Variants in VIPR2 observed in about 807,000 individuals in gnomAD.
The protein encoded by VIPR2 is vasoactive intestinal peptide receptor 2.
VIPR2 carries 48 observed loss-of-function variants against 58.0 expected under a neutral mutation model. That is an observed-to-expected ratio of 0.83 (90% CI 0.66 to 1.05). The LOEUF (loss-of-function observed/expected upper bound fraction) is 1.05. Ranked by LOEUF, VIPR2 falls within the 50% of genes least tolerant of loss-of-function variation. VIPR2 has a pLI of 0.00. For synonymous variants in VIPR2, 243 were observed against 235.2 expected (o/e 1.03, Z -0.30); for missense variants, 534 against 558.0 (o/e 0.96, Z 0.43).
Position 159,030,786 on chromosome 7 carries a change from G to A in VIPR2, c.1147C>T (p.Gln383Ter). Residue 383 changes from glutamine (Q) to a stop codon, truncating the protein, a stop_gained, in exon 13 of 13, where the codon CAG becomes TAG. Coordinates refer to ENST00000262178, the MANE Select transcript of VIPR2 (RefSeq NM_003382.5). LOFTEE classifies it low-confidence loss of function (END_TRUNC). ...VLYCFLNSEV[Q>*]CELKRKWRSR... ...CGCCATTTTCGCTTCAGCTCGCACT[G>A]CACCTGGGAGGTGAGGGCAGCGGGA... 6.3e-7 allele frequency: 1 copy of A among 1,581,244 alleles called. No individual in the cohort carries two copies. Among genetic ancestry groups the A allele is most frequent in the Non-Finnish European group, 8.6e-7 (1 of 1,163,138 alleles).
chr7:159,072,385 A>G (rs1226293813), intron 4 of VIPR2, among the ~76,000 whole-genome samples: 1 of 152,260 alleles, frequency 6.6e-6, no homozygotes, highest in African/African-American at 2.4e-5. Context: ...TTAAAACTAG[A>G]AAAACAGTAA....
intron 6 of VIPR2, among the ~76,000 whole-genome samples, chr7:159,037,285 G>A (rs1376517183): frequency 6.6e-6 from 1 of 152,174 alleles, no homozygotes; most frequent in Non-Finnish European, 1.5e-5. Flanking sequence ...GGGAACCCCC[G>A]CAGTGGTCCT....
At chr7:159,036,218 T>C (rs1358089867) in intron 7 of VIPR2, among the ~76,000 whole-genome samples, 2 of 152,248 alleles carry the variant, frequency 1.3e-5, no homozygotes, top group Admixed American at 6.5e-5. Context: ...GCTTGAGAGC[T>C]GAGAATCTGA....
intron 6 of VIPR2, among the ~76,000 whole-genome samples, chr7:159,042,650 G>A (rs1854417788): frequency 6.6e-6 from 1 of 152,218 alleles, no homozygotes; most frequent in African/African-American, 2.4e-5. Context: ...AGCCTTTACT[G>A]CTCAGAATCT....
intron 4 of VIPR2, among the ~76,000 whole-genome samples, chr7:159,076,857 G>A (rs938035097): frequency 2.6e-5 from 4 of 152,164 alleles, no homozygotes; most frequent in Non-Finnish European, 4.4e-5. Context: ...GTCAATATTA[G>A]TTATAATACA....
At chr7:159,050,342 A>G (rs1003634810) in intron 5 of VIPR2, among the ~76,000 whole-genome samples, 1 of 111,614 alleles carries the variant, frequency 9.0e-6, no homozygotes, top group Non-Finnish European at 1.9e-5. Flanking sequence ...ATCTCAAAAA[A>G]ACACAAAAAA....
At chr7:159,106,683 G>C (rs1416635370) in intron 3 of VIPR2, among the ~76,000 whole-genome samples, 8 of 141,308 alleles carry the variant, frequency 5.7e-5, no homozygotes, top group African/African-American at 2.2e-4. Context: ...GGCCAGGGAG[G>C]GGCAGAGAGG....
chr7:159,121,276 C>T (rs1796448233), intron 2 of VIPR2, among the ~76,000 whole-genome samples: 3 of 152,104 alleles, frequency 2.0e-5, no homozygotes, highest in South Asian at 2.1e-4. Context: ...TCCCTCTGCA[C>T]GAGTCGGCTC....
intron 2 of VIPR2, among the ~76,000 whole-genome samples, chr7:159,126,162 A>G (rs1356782661): frequency 6.6e-6 from 1 of 152,164 alleles, no homozygotes; most frequent in Non-Finnish European, 1.5e-5. Flanking sequence ...GACTCCTGAA[A>G]TCTCCCTGTC....
At chr7:159,068,180 G>C (rs933701300) in intron 4 of VIPR2, among the ~76,000 whole-genome samples, 2 of 152,228 alleles carry the variant, frequency 1.3e-5, no homozygotes, top group African/African-American at 4.8e-5. Flanking sequence ...ACAGTGTGTA[G>C]ACAGTGTGCC....
chr7:159,053,736 T>C (rs1271020814), intron 5 of VIPR2, among the ~76,000 whole-genome samples: 1 of 152,118 alleles, frequency 6.6e-6, no homozygotes, highest in Non-Finnish European at 1.5e-5. Context: ...ACTGTAGAGA[T>C]GGGGTCTCCC....
chr7:159,037,274 C>T (rs1478126987), intron 6 of VIPR2, among the ~76,000 whole-genome samples: 1 of 152,238 alleles, frequency 6.6e-6, no homozygotes, highest in African/African-American at 2.4e-5. Context: ...TGCTTCAACA[C>T]GGGAACCCCC....
chr7:159,051,582 A>C (rs1384697260), intron 5 of VIPR2, among the ~76,000 whole-genome samples: 1 of 152,240 alleles, frequency 6.6e-6, no homozygotes, highest in Non-Finnish European at 1.5e-5. Context: ...AAAATGCTGC[A>C]TTTAAAAATA....
Position 159,035,993 on chromosome 7 carries a change from G to A in VIPR2, c.768C>T (p.Ile256=), listed in dbSNP as rs377131339. ...AGAGCCTGGCCGCAGTCCATGCACC[G>A]ATGCAGACGGTGGGGAGGCCTGCAG... The part of the protein sequence containing the change: ...LIGWGLPTVC[I]GAWTAARLYL... Residue 256 remains isoleucine (I), a synonymous_variant, in exon 8 of 13, where the codon ATC becomes ATT. Coordinates refer to ENST00000262178, the MANE Select transcript of VIPR2 (RefSeq NM_003382.5). 1.1e-4 allele frequency: 182 copies of A among 1,613,216 alleles called. No homozygotes were observed. The highest frequency in any genetic ancestry group is 1.0e-3 in the African/African-American group (75 of 74,908).
Position 159,031,051 on chromosome 7 carries a change from C to T in VIPR2, c.1144-262G>A, listed in dbSNP as rs1270438781. On this transcript the variant is annotated intron_variant, in intron 12 of 12. Coordinates refer to ENST00000262178, the MANE Select transcript of VIPR2 (RefSeq NM_003382.5). This position sits in a 1 kb window ranked among gnomAD's most constrained non-coding sequence, Gnocchi z 4.0. ...CGGGGATCGCCACTGCCGCGGTAAG[C>T]GCAGTCCCACAGTCTCAGATAGTTA... is the stretch of plus-strand genomic sequence containing the variant. 6.6e-6 allele frequency among the ~76,000 whole-genome samples: 1 copy of T among 152,188 alleles called. No homozygotes were observed. The highest frequency in any genetic ancestry group is 1.9e-4 in the East Asian group (1 of 5,190).
intron 10 of VIPR2, among the ~76,000 whole-genome samples, chr7:159,033,206 A>G (rs1585322505): frequency 6.6e-6 from 1 of 152,218 alleles, no homozygotes; most frequent in Admixed American, 6.5e-5. Flanking sequence ...CCCTCAGGGC[A>G]CTGGCCGGTA....
At chr7:159,144,268 A>T in intron 1 of VIPR2, 1 of 1,341,222 alleles carries the variant, frequency 7.5e-7, no homozygotes, top group Non-Finnish European at 9.6e-7. Flanking sequence ...TATTTAACCG[A>T]CGCCACGTCC....
rs79571663 is a variant in VIPR2, at chr7:159,030,562, C to T, written c.*54G>A. On this transcript the variant is annotated 3_prime_UTR_variant, in exon 13 of 13. Transcript: ENST00000262178. ...AAGGAGGAAGCCGGCGTCTCAGCCC[C>T]GCAGAAGCCCCGAACCGTGGGCCTC... 1.1e-4 allele frequency: 157 copies of T among 1,475,162 alleles called. No homozygotes were observed. In the East Asian group the frequency reaches 3.9e-3, roughly 36 times the overall value. 91.4% of individuals were successfully genotyped at this position (1,475,162 alleles called of 1,614,324 possible). A position where few individuals can be genotyped will look rare whatever the true frequency, so the allele number is the denominator to read the frequency against.
At chr7:159,033,783 G>A (rs1853735353) in intron 10 of VIPR2, among the ~76,000 whole-genome samples, 1 of 152,198 alleles carries the variant, frequency 6.6e-6, no homozygotes, top group South Asian at 2.1e-4. Context: ...AAAAAATACT[G>A]TGTGGTCAAG....
Sources: gnomAD v4.1 joint callset for allele counts (sites outside exome capture counted in the v4.1 genomes callset) on GRCh38, gnomAD v4.1.1 for gene constraint, Gnocchi (gnomAD v3.1) non-coding constraint, MANE v1.5 for transcripts, NCBI Gene and HGNC (gene_info 2026-07-23, HGNC 2026-07-21) for gene names.